Variants in MAF observed in about 807,000 individuals in gnomAD.
The protein encoded by MAF is MAF bZIP transcription factor.
Under a neutral mutation model 22.0 loss-of-function variants are expected in MAF, and 10 were observed. The observed-to-expected ratio is 0.45, with a 90% CI of 0.28 to 0.77. The LOEUF is 0.77. Among genes scored for constraint, MAF ranks in the 30% least tolerant of loss-of-function variants. The pLI is 0.12. For missense variants in MAF, 544 were observed against 548.4 expected, an observed-to-expected ratio of 0.99 and a Z score of 0.08; for synonymous variants, 337 against 255.8, an observed-to-expected ratio of 1.32 and a Z score of -3.03.
chr16:79,408,926 C>A, the MAF span, among the ~76,000 whole-genome samples: 19 of 145,484 alleles, frequency 1.3e-4, 1 homozygote, highest in Middle Eastern at 3.5e-3. Context: ...TTTATTGTAA[C>A]TGTAGAAGTA....
At chr16:79,558,062 T>C in the MAF span, among the ~76,000 whole-genome samples, 1 of 151,668 alleles carries the variant, frequency 6.6e-6, no homozygotes, top group East Asian at 2.0e-4. Flanking sequence ...GTGACACCTG[T>C]CCTGGAAACT....
the MAF span, among the ~76,000 whole-genome samples, chr16:79,535,679 C>T: frequency 6.7e-6 from 1 of 149,736 alleles, no homozygotes; most frequent in African/African-American, 2.5e-5. Context: ...ACTTCTGCCT[C>T]CTGGGTTCAA....
At chr16:79,281,957 G>A in the MAF span, among the ~76,000 whole-genome samples, 1 of 152,142 alleles carries the variant, frequency 6.6e-6, no homozygotes, top group Non-Finnish European at 1.5e-5. Context: ...CCCCAGGATA[G>A]TTTGATATGG....
At chr16:79,337,372 C>G in the MAF span, among the ~76,000 whole-genome samples, 2 of 152,104 alleles carry the variant, frequency 1.3e-5, no homozygotes, top group African/African-American at 4.8e-5. Flanking sequence ...GAGTTCCAGA[C>G]CAGCCTGGCC....
chr16:79,375,794 G>T, the MAF span, among the ~76,000 whole-genome samples: 35 of 152,244 alleles, frequency 2.3e-4, no homozygotes, highest in Middle Eastern at 6.8e-3. Flanking sequence ...CTGTCCTGCT[G>T]CATTTTGGCA....
chr16:79,413,210 G>GTTGTTTTTTTTTTTTT, the MAF span, among the ~76,000 whole-genome samples: 4 of 63,620 alleles, frequency 6.3e-5, no homozygotes, highest in Non-Finnish European at 1.2e-4. Context: ...GAGCTGTGCA[G>GTTGTTTTTTTTTTTTT]TTTTTTTTTT....
the MAF span, among the ~76,000 whole-genome samples, chr16:79,316,710 T>A: frequency 6.6e-6 from 1 of 151,616 alleles, no homozygotes; most frequent in Non-Finnish European, 1.5e-5. Context: ...GGGTCAGGGG[T>A]CTTATAGAAT....
the MAF span, among the ~76,000 whole-genome samples, chr16:79,245,595 T>C: frequency 6.6e-6 from 1 of 152,014 alleles, no homozygotes; most frequent in Admixed American, 6.6e-5. Context: ...AGGAACACTT[T>C]TACACTGTTG....
At chr16:79,227,283 C>G in the MAF span, among the ~76,000 whole-genome samples, 91 of 152,166 alleles carry the variant, frequency 6.0e-4, no homozygotes, top group African/African-American at 2.0e-3. Flanking sequence ...CCTGGGAGGT[C>G]AAGACTGCAG....
At chr16:79,534,037 A>G in the MAF span, among the ~76,000 whole-genome samples, 6 of 152,284 alleles carry the variant, frequency 3.9e-5, no homozygotes, top group African/African-American at 1.2e-4. Context: ...TCATCTTACA[A>G]GAGCCCTTTG....
chr16:79,524,994 C>A, the MAF span, among the ~76,000 whole-genome samples: 1 of 152,162 alleles, frequency 6.6e-6, no homozygotes, highest in Non-Finnish European at 1.5e-5. Context: ...GAGTGCAAAA[C>A]TGTGTAATAA....
the MAF span, among the ~76,000 whole-genome samples, chr16:79,234,554 T>G: frequency 6.6e-6 from 1 of 152,204 alleles, no homozygotes; most frequent in South Asian, 2.1e-4. Flanking sequence ...GTTAGATTCA[T>G]CTATAAAAGC....
the MAF span, among the ~76,000 whole-genome samples, chr16:79,308,749 CAGTTGCAGAGCTAGAA>C: frequency 6.6e-6 from 1 of 152,164 alleles, no homozygotes; most frequent in Admixed American, 6.5e-5. Context: ...AACTTTCCCA[CAGTTGCAGAGCTAGAA>C]AGTTGCAGAG....
chr16:79,559,987 G>A, the MAF span, among the ~76,000 whole-genome samples: 2 of 152,164 alleles, frequency 1.3e-5, no homozygotes, highest in Admixed American at 6.5e-5. Context: ...CGCTGCAGCT[G>A]TGAACCTCTG....
chr16:79,422,132 A>G, the MAF span, among the ~76,000 whole-genome samples: 2 of 152,144 alleles, frequency 1.3e-5, no homozygotes, highest in African/African-American at 4.8e-5. Flanking sequence ...TGTTTATTCT[A>G]CACCGAGGAC....
chr16:79,457,079 A>G, the MAF span, among the ~76,000 whole-genome samples: 271 of 152,288 alleles, frequency 1.8e-3, 10 homozygotes, highest in South Asian at 0.051. Flanking sequence ...GCTGTTGAAG[A>G]AAAAACATAC....
chr16:79,207,839 C>G, the MAF span, among the ~76,000 whole-genome samples: 3 of 151,890 alleles, frequency 2.0e-5, no homozygotes, highest in African/African-American at 7.3e-5. Context: ...GTACCCTTTC[C>G]TTTAAAGGAG....
At chr16:79,234,728 T>C in the MAF span, among the ~76,000 whole-genome samples, 2 of 152,074 alleles carry the variant, frequency 1.3e-5, no homozygotes, top group African/African-American at 4.8e-5. Context: ...GGTTAGCTGA[T>C]ACCACCCCCA....
At chr16:79,211,953 A>C in the MAF span, 2 of 1,536,526 alleles carry the variant, frequency 1.3e-6, no homozygotes. Flanking sequence ...CTTAAGTACC[A>C]ATGGGAAGCA....
Sources: gnomAD v4.1 joint callset for allele counts (sites outside exome capture counted in the v4.1 genomes callset) on GRCh38, gnomAD v4.1.1 for gene constraint, MANE v1.5 for transcripts, NCBI Gene and HGNC (gene_info 2026-07-23, HGNC 2026-07-21) for gene names.